The following LRP1B variants were observed in gnomAD, a reference collection of about 807,000 sequenced individuals.
The protein encoded by LRP1B is low-density lipoprotein receptor-related protein 1B.
A neutral mutation model predicts 556.6 loss-of-function variants in LRP1B; 217 were observed. That is an observed-to-expected ratio of 0.39 (90% CI 0.35 to 0.44). The LOEUF (loss-of-function observed/expected upper bound fraction) is 0.44. LRP1B is among the 20% of genes least tolerant of loss of function. The probability of loss-of-function intolerance (pLI) is 1.00; values close to 1 mark genes in which losing one functional copy is unlikely to be tolerated. For missense variants in LRP1B, 5,053 were observed against 5,620.8 expected (o/e 0.90, Z 3.23); for synonymous variants, 2,047 against 1,865.8 (o/e 1.10, Z -2.50).
chr2:141,746,959 G>A (rs926666597), intron 2 of LRP1B, among the ~76,000 whole-genome samples: 14 of 146,540 alleles, frequency 9.6e-5, no homozygotes, highest in Non-Finnish European at 1.3e-4. Flanking sequence ...TAAAAGCATC[G>A]AAAATAATTT....
chr2:140,631,602 G>A (rs575797579), intron 41 of LRP1B, among the ~76,000 whole-genome samples: 2 of 152,186 alleles, frequency 1.3e-5, no homozygotes, highest in African/African-American at 2.4e-5. Flanking sequence ...GAAACTTCTC[G>A]AGCTAAAATG....
In LRP1B at chr2:141,388,372, G is replaced by A. The variant is rs1466908810; in HGVS notation, c.343+92024C>T. Among the ~76,000 whole-genome samples, 10 of 152,254 alleles carry A rather than the reference G, an allele frequency of 6.6e-5. No homozygotes were observed. The East Asian group carries it at 1.9e-3, about 29-fold the overall frequency. ...AATCGCTTGAACCCGTGAGGCAGAG[G>A]TTGCGGTGAGCCAAGATGGCGCCAC... On this transcript the variant is annotated intron_variant, in intron 3 of 90. Transcript: ENST00000389484.
chr2:141,885,173 G>A (rs1252427381), intron 1 of LRP1B, among the ~76,000 whole-genome samples: 1 of 152,132 alleles, frequency 6.6e-6, no homozygotes, highest in African/African-American at 2.4e-5. Flanking sequence ...AATAATAGCA[G>A]CCTGGTTCAT....
intron 71 of LRP1B, 119 bp downstream of exon 71, chr2:140,370,591 G>A: frequency 7.5e-7 from 1 of 1,327,410 alleles, no homozygotes; most frequent in Non-Finnish European, 1.0e-6. Context: ...AAACTTGGAA[G>A]AGTAAAGAGA....
intron 3 of LRP1B, among the ~76,000 whole-genome samples, chr2:141,449,975 C>A (rs1334300564): frequency 6.6e-6 from 1 of 152,148 alleles, no homozygotes; most frequent in Non-Finnish European, 1.5e-5. Flanking sequence ...TAGACATTGT[C>A]AAATGTTCTT....
chr2:142,118,006 T>C (rs1156401901), intron 1 of LRP1B, among the ~76,000 whole-genome samples: 1 of 152,132 alleles, frequency 6.6e-6, no homozygotes, highest in Non-Finnish European at 1.5e-5. Flanking sequence ...CCTCTGAGTC[T>C]AGGAATCTCA....
chr2:140,268,984 G>A (rs1433376370), intron 86 of LRP1B, among the ~76,000 whole-genome samples: 1 of 151,832 alleles, frequency 6.6e-6, no homozygotes, highest in African/African-American at 2.4e-5. Flanking sequence ...ACCTGCTTCT[G>A]TACTTCTCTA....
At position 141,438,147 on chromosome 2, in the gene LRP1B, G is replaced by A. The variant is rs191859698; in HGVS notation, c.343+42249C>T. Among the ~76,000 whole-genome samples the A allele has an allele frequency of 1.7e-3, 265 of 152,184 alleles. 2 individuals carry two copies. The highest frequency in any genetic ancestry group is 1.4e-3 in the Non-Finnish European group (94 of 67,970). On this transcript the variant is annotated intron_variant, in intron 3 of 90. Transcript: ENST00000389484. ...GCTAGGCATCTTCTTTTCCTGCATA[G>A]GATAACGACTGTAGAGAGTTTAAAC...
At chr2:141,697,807 A>C (rs984916115) in intron 2 of LRP1B, among the ~76,000 whole-genome samples, 4 of 152,016 alleles carry the variant, frequency 2.6e-5, no homozygotes, top group Admixed American at 2.0e-4. Flanking sequence ...ATAGCATTCA[A>C]AACTAGAAGA....
chr2:140,939,288 G>C (rs542734297), intron 20 of LRP1B, among the ~76,000 whole-genome samples: 32 of 151,734 alleles, frequency 2.1e-4, no homozygotes, highest in Non-Finnish European at 3.7e-4. Flanking sequence ...CAAGAAATTA[G>C]TGAGGAAAAT....
chr2:140,606,977 T>C (rs1469559677), intron 41 of LRP1B, among the ~76,000 whole-genome samples: 1 of 152,068 alleles, frequency 6.6e-6, no homozygotes, highest in Non-Finnish European at 1.5e-5. Context: ...GAAAAACTTG[T>C]ATGCTTCAAA....
chr2:140,579,084 CA>C (rs1681655065), intron 43 of LRP1B, among the ~76,000 whole-genome samples: 1 of 151,966 alleles, frequency 6.6e-6, no homozygotes, highest in South Asian at 2.1e-4. Context: ...GGAAAGGGAG[CA>C]AAGGAGAAGG....
At chr2:141,595,667 A>T (rs1328217725) in intron 2 of LRP1B, among the ~76,000 whole-genome samples, 1 of 152,072 alleles carries the variant, frequency 6.6e-6, no homozygotes, top group East Asian at 1.9e-4. Flanking sequence ...ATCTTTCATC[A>T]ATTTCTCCAA....
At chr2:141,818,024 C>T (rs1462925821) in intron 1 of LRP1B, among the ~76,000 whole-genome samples, 3 of 152,094 alleles carry the variant, frequency 2.0e-5, no homozygotes, top group Non-Finnish European at 4.4e-5. Context: ...ATTAGGGAAA[C>T]ACTGTGACTT....
At chr2:141,887,600 G>A (rs571773023) in intron 1 of LRP1B, among the ~76,000 whole-genome samples, 2 of 152,298 alleles carry the variant, frequency 1.3e-5, no homozygotes, top group East Asian at 1.9e-4. Context: ...ATGAATGACA[G>A]GGCTGTTACA....
intron 51 of LRP1B, among the ~76,000 whole-genome samples, chr2:140,510,851 T>C (rs1689621217): frequency 6.6e-6 from 1 of 152,214 alleles, no homozygotes; most frequent in Admixed American, 6.5e-5. Context: ...CTTCCCGTTA[T>C]GATCATAGGG....
chr2:141,000,575 T>C (rs1697388734), intron 15 of LRP1B, among the ~76,000 whole-genome samples: 2 of 151,954 alleles, frequency 1.3e-5, no homozygotes, highest in African/African-American at 4.8e-5. Context: ...GGTCAGTGTA[T>C]ACCCCAGTGA....
chr2:140,326,923 A>C (rs1680518498), intron 79 of LRP1B, among the ~76,000 whole-genome samples: 1 of 152,086 alleles, frequency 6.6e-6, no homozygotes, highest in Non-Finnish European at 1.5e-5. Context: ...CATCCAGTAT[A>C]TTTTTGTAGA....
At position 140,251,963 on chromosome 2, in the gene LRP1B, T is replaced by C. The variant is rs546580981; in HGVS notation, c.13248-4801A>G. Among the ~76,000 whole-genome samples, 5 of 147,682 alleles carry C rather than the reference T, an allele frequency of 3.4e-5. No individual in the cohort carries two copies. In the East Asian group the frequency reaches 1.0e-3, roughly 30 times the overall value. On this transcript the variant is annotated intron_variant, in intron 86 of 90. Coordinates refer to ENST00000389484, the MANE Select transcript of LRP1B (RefSeq NM_018557.3). ...TCTTTTGGTGGTGAGCATATAAAACTACATTTATATAATATTTCTCACTTG... is the reference window on the plus strand; with the variant it reads ...TCTTTTGGTGGTGAGCATATAAAACCACATTTATATAATATTTCTCACTTG...
Sources: gnomAD v4.1 joint callset for allele counts (sites outside exome capture counted in the v4.1 genomes callset) on GRCh38, gnomAD v4.1.1 for gene constraint, MANE v1.5 for transcripts, NCBI Gene and HGNC (gene_info 2026-07-23, HGNC 2026-07-21) for gene names.